The following WDR1 variants were observed in gnomAD, a reference collection of about 807,000 sequenced individuals.
WDR1 encodes the protein WD repeat-containing protein 1.
A neutral mutation model predicts 71.9 loss-of-function variants in WDR1; 21 were observed. The ratio of observed to expected loss-of-function variants is 0.29; its 90% CI spans 0.21 to 0.42. WDR1 has a LOEUF of 0.42. WDR1 is among the 10% of genes least tolerant of loss of function. WDR1 has a pLI of 1.00. For synonymous variants in WDR1, 424 were observed against 347.4 expected (o/e 1.22, Z -2.45); for missense variants, 696 against 824.5 (o/e 0.84, Z 1.91).
intron 2 of WDR1, among the ~76,000 whole-genome samples, chr4:10,115,586 G>C (rs918949779): frequency 7.9e-5 from 12 of 152,220 alleles, no homozygotes; most frequent in African/African-American, 2.9e-4. Context: ...CGCTGGGCTT[G>C]AGGGACGCCA....
intron 7 of WDR1, 96 bp from the exon 8 acceptor site, chr4:10,088,036 A>G: frequency 8.2e-7 from 1 of 1,223,702 alleles, no homozygotes; most frequent in Non-Finnish European, 1.1e-6. Context: ...TTTGAGTAGG[A>G]CAGAAGGAGC....
At chr4:10,105,144 A>G (rs1712941671) in intron 2 of WDR1, among the ~76,000 whole-genome samples, 1 of 152,190 alleles carries the variant, frequency 6.6e-6, no homozygotes, top group African/African-American at 2.4e-5. Flanking sequence ...TCCCTCCTCC[A>G]TGAAGCCTCC....
chr4:10,084,275 T>C lies in WDR1; in HGVS notation c.1039+168A>G. 4.9e-6 allele frequency: 3 copies of C among 606,112 alleles called. No individual in the cohort carries two copies. In the South Asian group the frequency reaches 5.7e-5, roughly 12 times the overall value. The allele number at this position is 606,112 out of a possible 1,614,324, so 37.5% of individuals were successfully genotyped here. On this transcript the variant is annotated intron_variant, in intron 9 of 14. Transcript: ENST00000499869. ...GACAACTCCAGGGGACAGTTGCCTGTCCCCATGTACAGACAGGCCACCCCT... is the reference window on the plus strand; with the variant it reads ...GACAACTCCAGGGGACAGTTGCCTGCCCCCATGTACAGACAGGCCACCCCT...
At chr4:10,088,609 C>T in intron 6 of WDR1, 55 bp downstream of exon 6, 2 of 1,467,470 alleles carry the variant, frequency 1.4e-6, no homozygotes, top group Non-Finnish European at 1.9e-6. Flanking sequence ...TCTGAGCAGT[C>T]ACGGGAGCAG....
chr4:10,087,574 C>G lies in WDR1; in HGVS notation c.951+133G>C, dbSNP rs1711664918. ...GCATCCCAGCCTTCCACCAAAACCC[C>G]AAGGGCCAAGGAGGCCTGAGGACAC... On this transcript the variant is annotated intron_variant, in intron 8 of 14. Transcript: ENST00000499869. 5 of 864,378 alleles carry G rather than the reference C, an allele frequency of 5.8e-6. No homozygotes were observed. The Admixed American group carries it at 1.5e-4, about 26-fold the overall frequency. 53.5% of individuals were successfully genotyped at this position (864,378 alleles called of 1,614,324 possible).
intron 3 of WDR1, among the ~76,000 whole-genome samples, chr4:10,102,338 C>A (rs980519037): frequency 2.0e-5 from 3 of 152,228 alleles, no homozygotes; most frequent in African/African-American, 7.2e-5. Flanking sequence ...TGAGTGTGAC[C>A]TCGAAAACCA....
chr4:10,114,509 G>A (rs1462339391), intron 2 of WDR1, among the ~76,000 whole-genome samples: 1 of 152,214 alleles, frequency 6.6e-6, no homozygotes, highest in Non-Finnish European at 1.5e-5. Context: ...CTTTATGTGA[G>A]GCCCCCTCCC....
intron 2 of WDR1, among the ~76,000 whole-genome samples, chr4:10,107,035 T>G (rs753576219): frequency 1.3e-5 from 2 of 152,120 alleles, no homozygotes; most frequent in Non-Finnish European, 2.9e-5. Context: ...AGAAGCTTAT[T>G]TGGGGAAAAA....
chr4:10,114,406 G>A (rs757062137), intron 2 of WDR1, among the ~76,000 whole-genome samples: 1 of 152,180 alleles, frequency 6.6e-6, no homozygotes, highest in African/African-American at 2.4e-5. Context: ...ACCTTGCTAA[G>A]TCTGACTCCT....
At chr4:10,093,100 C>A (rs1431335627) in intron 5 of WDR1, 1 of 1,289,482 alleles carries the variant, frequency 7.8e-7, no homozygotes, top group Non-Finnish European at 1.0e-6. Context: ...ACACCCATGT[C>A]AACATCACAG....
intron 5 of WDR1, 145 bp downstream of exon 5, chr4:10,097,566 C>G: frequency 2.0e-6 from 2 of 990,234 alleles, no homozygotes; most frequent in Non-Finnish European, 2.9e-6. Context: ...CTCCCTCTCT[C>G]TGCACACCCC....
intron 2 of WDR1, among the ~76,000 whole-genome samples, chr4:10,113,094 G>A (rs957574152): frequency 1.3e-5 from 2 of 152,224 alleles, no homozygotes; most frequent in Admixed American, 6.5e-5. Context: ...GGTGGCTCAC[G>A]CCTGTATCCC....
At chr4:10,108,727 T>C (rs900839384) in intron 2 of WDR1, among the ~76,000 whole-genome samples, 18 of 152,248 alleles carry the variant, frequency 1.2e-4, no homozygotes, top group Non-Finnish European at 1.6e-4. Flanking sequence ...AAAGCAGGAA[T>C]GTAAACTTCT....
At chr4:10,086,339 G>C (rs763223843) in intron 8 of WDR1, among the ~76,000 whole-genome samples, 1 of 152,304 alleles carries the variant, frequency 6.6e-6, no homozygotes, top group South Asian at 2.1e-4. Context: ...TCGAGGCCAC[G>C]TCTAGTGAAC....
chr4:10,088,486 G>C, intron 6 of WDR1, 113 bp from the exon 7 acceptor site: 3 of 1,231,708 alleles, frequency 2.4e-6, no homozygotes, highest in Non-Finnish European at 3.5e-6. Flanking sequence ...TAAGCTCCCA[G>C]TGTGGTTTAA....
intron 2 of WDR1, among the ~76,000 whole-genome samples, chr4:10,109,109 A>T (rs1436144723): frequency 1.3e-5 from 2 of 152,230 alleles, no homozygotes; most frequent in Admixed American, 6.5e-5. Context: ...CCCTCAGTGG[A>T]TTCTCTTTGA....
rs1261340555 is a variant in WDR1, at chr4:10,074,486, ATACT to A, written c.*888_*891del. On this transcript the variant is annotated 3_prime_UTR_variant, in exon 15 of 15. Transcript: ENST00000499869. Reference sequence around the variant, plus strand: ...AAAACACTCCCAATCACGGTGCTTTATACTTACTTTTAATTTCTGCACTGAAAAA... The same window carrying A: ...AAAACACTCCCAATCACGGTGCTTTATACTTTTAATTTCTGCACTGAAAAA... The A allele has an allele frequency of 7.2e-5, 11 of 152,688 alleles. No individual in the cohort carries two copies. Among genetic ancestry groups the A allele is most frequent in the Non-Finnish European group, 1.3e-4 (9 of 68,048 alleles). 9.5% of individuals were successfully genotyped at this position (152,688 alleles called of 1,614,324 possible).
intron 2 of WDR1, among the ~76,000 whole-genome samples, chr4:10,114,814 A>G (rs1713609354): frequency 6.6e-6 from 1 of 151,978 alleles, no homozygotes; most frequent in Non-Finnish European, 1.5e-5. Context: ...GCACATTCAC[A>G]CCCGCCCACC....
chr4:10,090,518 C>T (rs1003130032), intron 5 of WDR1, among the ~76,000 whole-genome samples: 17 of 152,206 alleles, frequency 1.1e-4, no homozygotes, highest in African/African-American at 3.6e-4. Context: ...AAGAGTGATG[C>T]GACCCCAGAC....
Sources: allele counts gnomAD v4.1 joint callset (sites outside exome capture counted in the v4.1 genomes callset), GRCh38; gene constraint gnomAD v4.1.1; transcripts MANE v1.5; gene names NCBI Gene and HGNC (gene_info 2026-07-23, HGNC 2026-07-21).